Variants in WDR49 observed in about 807,000 individuals in gnomAD.
WDR49 encodes the protein WD repeat domain 49.
WDR49 carries 107 observed loss-of-function variants against 119.5 expected under a neutral mutation model. That is an observed-to-expected ratio of 0.90 (90% confidence interval 0.77 to 1.05). The LOEUF is 1.05. Among genes scored for constraint, WDR49 ranks in the 50% least tolerant of loss-of-function variants. The pLI is 0.00. For synonymous variants in WDR49, 425 were observed against 418.8 expected, an observed-to-expected ratio of 1.01 and a Z score of -0.18; for missense variants, 1,240 against 1,220.5, an observed-to-expected ratio of 1.02 and a Z score of -0.24.
At chr3:167,652,704 G>T (rs116369530) in intron 2 of WDR49, among the ~76,000 whole-genome samples, 7,965 of 152,044 alleles carry the variant, frequency 0.052, 668 homozygotes, top group African/African-American at 0.18. Flanking sequence ...TGTTTTTATT[G>T]GCATTGTTCC....
At chr3:167,518,796 G>T (rs1376264182) in intron 16 of WDR49, among the ~76,000 whole-genome samples, 1 of 150,486 alleles carries the variant, frequency 6.6e-6, no homozygotes, top group Non-Finnish European at 1.5e-5. Flanking sequence ...AAACTAAAAA[G>T]CTTCTGCACA....
At chr3:167,613,518 A>G (rs1482260774) in intron 5 of WDR49, among the ~76,000 whole-genome samples, 1 of 152,206 alleles carries the variant, frequency 6.6e-6, no homozygotes, top group East Asian at 1.9e-4. Context: ...ACTGATTTAG[A>G]TGCAGGGAAG....
chr3:167,646,674 A>C (rs1370647135), intron 2 of WDR49, among the ~76,000 whole-genome samples: 6 of 152,208 alleles, frequency 3.9e-5, no homozygotes, highest in Non-Finnish European at 8.8e-5. Context: ...CACATATTGA[A>C]GAGTACACAT....
chr3:167,642,084 T>A (rs1019358415), intron 2 of WDR49, among the ~76,000 whole-genome samples: 15 of 151,906 alleles, frequency 9.9e-5, no homozygotes, highest in African/African-American at 3.6e-4. Flanking sequence ...TAAGTATGCA[T>A]TTTTATACTG....
At chr3:167,524,530 T>C (rs965477771) in intron 15 of WDR49, among the ~76,000 whole-genome samples, 2 of 152,218 alleles carry the variant, frequency 1.3e-5, no homozygotes, top group East Asian at 3.8e-4. Flanking sequence ...AGGGTTTTTA[T>C]AGTTTTAGGT....
At chr3:167,534,821 G>C (rs760646406) in intron 11 of WDR49, among the ~76,000 whole-genome samples, 1 of 152,092 alleles carries the variant, frequency 6.6e-6, no homozygotes, top group Non-Finnish European at 1.5e-5. Flanking sequence ...TAAGAGCTTG[G>C]ATTTGTAGAC....
In WDR49 at chr3:167,653,878, T is replaced by C. The variant is rs2108351144; in HGVS notation, c.-119A>G. 1 of 154,184 alleles carries C rather than the reference T, an allele frequency of 6.5e-6. No homozygotes were observed. Among genetic ancestry groups the C allele is most frequent in the East Asian group, 1.9e-4 (1 of 5,192 alleles). The allele number at this position is 154,184 out of a possible 1,614,324, so 9.6% of individuals were successfully genotyped here. On this transcript the variant is annotated 5_prime_UTR_variant, in exon 1 of 19. Transcript: ENST00000682715. ...TGTAGTTTTCAATTCCACTTTCTTG[T>C]CTGGAAGAGTTAGATGACAAAGCTG...
At chr3:167,561,373 T>C (rs1043966359) in intron 8 of WDR49, among the ~76,000 whole-genome samples, 4 of 152,128 alleles carry the variant, frequency 2.6e-5, no homozygotes, top group Non-Finnish European at 5.9e-5. Context: ...AAAGCATCAC[T>C]GCATACCAGA....
chr3:167,515,126 A>T (rs1033254280), intron 16 of WDR49, among the ~76,000 whole-genome samples: 3 of 152,244 alleles, frequency 2.0e-5, no homozygotes, highest in African/African-American at 7.2e-5. Flanking sequence ...TCCCTCACTC[A>T]TTTTATGAGC....
At chr3:167,516,625 T>C (rs1752217583) in intron 16 of WDR49, among the ~76,000 whole-genome samples, 1 of 152,086 alleles carries the variant, frequency 6.6e-6, no homozygotes, top group East Asian at 1.9e-4. Flanking sequence ...AGTAATGGGA[T>C]GGCTGGGTCA....
At chr3:167,638,234 C>A (rs1001872946) in intron 2 of WDR49, among the ~76,000 whole-genome samples, 3 of 151,442 alleles carry the variant, frequency 2.0e-5, no homozygotes, top group African/African-American at 7.3e-5. Context: ...TCATTAGAAT[C>A]CTGCAATGCT....
chr3:167,596,163 C>T (rs1364421080), intron 7 of WDR49, among the ~76,000 whole-genome samples: 8 of 150,888 alleles, frequency 5.3e-5, no homozygotes, highest in Non-Finnish European at 3.0e-5. Context: ...ATCAAAACCA[C>T]AGTGAGATAC....
intron 18 of WDR49, among the ~76,000 whole-genome samples, chr3:167,497,743 C>G (rs916014986): frequency 1.3e-5 from 2 of 152,164 alleles, no homozygotes; most frequent in Non-Finnish European, 2.9e-5. Context: ...TTGGTTTCCT[C>G]CTGAATGCCT....
chr3:167,564,621 GT>G (rs1303552156), intron 8 of WDR49, among the ~76,000 whole-genome samples: 2 of 152,198 alleles, frequency 1.3e-5, no homozygotes, highest in Non-Finnish European at 2.9e-5. Flanking sequence ...GGCCCTGACA[GT>G]CTGCAGAGTG....
At chr3:167,591,591 G>A (rs1200954545) in intron 7 of WDR49, among the ~76,000 whole-genome samples, 1 of 151,832 alleles carries the variant, frequency 6.6e-6, no homozygotes, top group Non-Finnish European at 1.5e-5. Flanking sequence ...TCCCGTTTTG[G>A]GTACACATAT....
chr3:167,636,655 A>T (rs1717634540), intron 2 of WDR49, among the ~76,000 whole-genome samples: 1 of 151,524 alleles, frequency 6.6e-6, no homozygotes, highest in African/African-American at 2.4e-5. Context: ...GCCAACATGT[A>T]TTAGTTTTTG....
At chr3:167,568,720 T>C (rs1713755164) in intron 8 of WDR49, among the ~76,000 whole-genome samples, 1 of 152,182 alleles carries the variant, frequency 6.6e-6, no homozygotes, top group South Asian at 2.1e-4. Flanking sequence ...AGTTCCATGA[T>C]ATTATTCAAA....
chr3:167,639,606 A>T (rs1314641975), intron 2 of WDR49, among the ~76,000 whole-genome samples: 2 of 151,840 alleles, frequency 1.3e-5, no homozygotes, highest in African/African-American at 4.8e-5. Context: ...AGAAGCCTAA[A>T]GCTTTATAAT....
chr3:167,479,657 T>C (rs766097203), intron 18 of WDR49, among the ~76,000 whole-genome samples: 3 of 152,298 alleles, frequency 2.0e-5, no homozygotes, highest in Non-Finnish European at 2.9e-5. Context: ...TTTCTTCCAA[T>C]TGGTGGAAAC....
Sources: allele counts gnomAD v4.1 joint callset (sites outside exome capture counted in the v4.1 genomes callset), GRCh38; gene constraint gnomAD v4.1.1; transcripts MANE v1.5; gene names NCBI Gene and HGNC (gene_info 2026-07-23, HGNC 2026-07-21).